The following NHSL2 variants were observed in gnomAD, a reference collection of about 807,000 sequenced individuals.
NHSL2 encodes NHS-like protein 2.
In NHSL2, 27 loss-of-function variants were observed where a neutral mutation model predicts 53.4. That is an observed-to-expected ratio of 0.51 (90% CI 0.37 to 0.70). The LOEUF (loss-of-function observed/expected upper bound fraction) is 0.70, where lower values mean the gene tolerates loss of function less well. Ranked by LOEUF, NHSL2 falls within the 30% of genes least tolerant of loss-of-function variation. The pLI, the probability that NHSL2 is intolerant of heterozygous loss-of-function variation, is 0.00. For synonymous variants in NHSL2, 408 were observed against 404.1 expected (o/e 1.01, Z -0.12); for missense variants, 892 against 980.1 (o/e 0.91, Z 1.20).
chrX:71,920,873 G>A (rs1203518619), intron 1 of NHSL2, among the ~76,000 whole-genome samples: 1 of 109,883 alleles, frequency 9.1e-6, no homozygotes, highest in Non-Finnish European at 1.9e-5. Context: ...GTGCGATCTC[G>A]GCCCACTGCA....
intron 1 of NHSL2, among the ~76,000 whole-genome samples, chrX:72,067,167 C>T (rs958615178): frequency 2.3e-4 from 25 of 110,669 alleles, no homozygotes; most frequent in African/African-American, 6.9e-4. Flanking sequence ...ACAAACAAAC[C>T]GCTTCAAGAA....
At chrX:71,926,385 C>A (rs1384690463) in intron 1 of NHSL2, among the ~76,000 whole-genome samples, 1 of 112,224 alleles carries the variant, frequency 8.9e-6, no homozygotes, top group Middle Eastern at 4.2e-3. Context: ...GGTAGATAAA[C>A]TATGACTTAT....
At chrX:71,948,387 A>C (rs747896252) in intron 1 of NHSL2, among the ~76,000 whole-genome samples, 2 of 111,811 alleles carry the variant, frequency 1.8e-5, no homozygotes, top group South Asian at 7.6e-4. Flanking sequence ...GTGGTTTGGT[A>C]AACTCCAAGT....
intron 1 of NHSL2, among the ~76,000 whole-genome samples, chrX:72,115,393 C>T (rs1403599828): frequency 1.2e-5 from 1 of 86,024 alleles, no homozygotes; most frequent in Non-Finnish European, 2.1e-5. Context: ...CTGCCTCCCA[C>T]CAAGAACAAT....
chrX:72,115,710 G>T (rs990183135), intron 1 of NHSL2, among the ~76,000 whole-genome samples: 2 of 110,815 alleles, frequency 1.8e-5, no homozygotes, highest in Non-Finnish European at 3.8e-5. Context: ...CTGCCATTGT[G>T]GGGGGAAGGG....
intron 1 of NHSL2, among the ~76,000 whole-genome samples, chrX:72,090,495 A>T (rs901455223): frequency 1.8e-5 from 2 of 112,302 alleles, no homozygotes; most frequent in Non-Finnish European, 3.8e-5. Flanking sequence ...AGTATTCCTT[A>T]GTAAGAACGT....
chrX:72,142,845 T>TCAAG (rs2042429650), intron 7 of NHSL2, among the ~76,000 whole-genome samples: 1 of 111,779 alleles, frequency 8.9e-6, no homozygotes, highest in African/African-American at 3.3e-5. Flanking sequence ...GACCAGTTAT[T>TCAAG]GGACAGGGTT....
chrX:71,914,802 G>A (rs2041620420), intron 1 of NHSL2, among the ~76,000 whole-genome samples: 1 of 111,616 alleles, frequency 9.0e-6, no homozygotes, highest in Non-Finnish European at 1.9e-5. Flanking sequence ...ATGAGGTGTT[G>A]TGGACCCTGA....
Position 71,910,932 on chromosome X carries a change from C to A in NHSL2, c.-156C>A. 1 of 331,334 alleles carries A rather than the reference C, an allele frequency of 3.0e-6. No individual in the cohort carries two copies. Among genetic ancestry groups the A allele is most frequent in the Non-Finnish European group, 4.7e-6 (1 of 214,404 alleles). The allele number at this position is 331,334 out of a possible 1,213,427, so 27.3% of individuals were successfully genotyped here. The stretch of plus-strand genomic sequence containing the variant: ...CCCGTCAGCCCGCCTACCCGCCCGT[C>A]GTCTTTGGCGCCCGCACGCTCTCCG... On this transcript the variant is annotated 5_prime_UTR_variant, in exon 1 of 8. Coordinates refer to ENST00000633930, the MANE Select transcript of NHSL2 (RefSeq NM_001013627.3).
At chrX:72,069,592 AGAG>A (rs777523790) in intron 1 of NHSL2, 2,258 of 657,763 alleles carry the variant, frequency 3.4e-3, no homozygotes, top group Non-Finnish European at 4.0e-3. Flanking sequence ...GAGCACAGGC[AGAG>A]GAGGAGGAGG....
At position 72,097,580 on chromosome X, in the gene NHSL2, A is replaced by T. The variant is rs187169471; in HGVS notation, c.281-34499A>T. ...TATTTTCCCACACCACTTGTCCCCT[A>T]CACACATCAACAGGTCTTTCATTTC... On this transcript the variant is annotated intron_variant, in intron 1 of 7. Transcript: ENST00000633930. Among the ~76,000 whole-genome samples, 414 of 112,199 alleles carry T rather than the reference A, an allele frequency of 3.7e-3. 6 individuals carry two copies. Among genetic ancestry groups the T allele is most frequent in the Non-Finnish European group, 6.2e-4 (33 of 53,222 alleles).
intron 1 of NHSL2, among the ~76,000 whole-genome samples, chrX:71,989,929 C>T (rs2042020094): frequency 8.9e-6 from 1 of 112,551 alleles, no homozygotes; most frequent in Non-Finnish European, 1.9e-5. Context: ...CCTGAGGTGA[C>T]ATGGGAATCA....
chrX:72,054,808 C>T (rs1387522447), intron 1 of NHSL2, among the ~76,000 whole-genome samples: 1 of 111,597 alleles, frequency 9.0e-6, no homozygotes, highest in Non-Finnish European at 1.9e-5. Context: ...ATCGACCTCA[C>T]CCCATTTGAG....
At chrX:71,968,934 G>A (rs1463657482) in intron 1 of NHSL2, among the ~76,000 whole-genome samples, 3 of 111,812 alleles carry the variant, frequency 2.7e-5, no homozygotes, top group Non-Finnish European at 5.6e-5. Context: ...TAGCTTTGTG[G>A]TAAGTTTTGA....
chrX:71,992,871 G>GAC, intron 1 of NHSL2, among the ~76,000 whole-genome samples: 1 of 111,954 alleles, frequency 8.9e-6, no homozygotes, highest in East Asian at 2.8e-4. Flanking sequence ...GGGACATGAT[G>GAC]TGGTGTTGGT....
At chrX:71,967,664 T>G (rs4986616) in intron 1 of NHSL2, among the ~76,000 whole-genome samples, 22,993 of 111,045 alleles carry the variant, frequency 0.21, 2,567 homozygotes, top group African/African-American at 0.41. Context: ...ATGATTGCTA[T>G]TCCTTTAAAC....
At chrX:72,048,719 C>T (rs2042319408) in intron 1 of NHSL2, among the ~76,000 whole-genome samples, 1 of 110,062 alleles carries the variant, frequency 9.1e-6, no homozygotes, top group African/African-American at 3.3e-5. Flanking sequence ...TTTCTGGCTT[C>T]AGGCTTCTTG....
intron 7 of NHSL2, among the ~76,000 whole-genome samples, 184 bp from the exon 8 acceptor site, chrX:72,143,069 A>C (rs2042431994): frequency 1.8e-5 from 2 of 111,220 alleles, no homozygotes; most frequent in South Asian, 3.8e-4. Context: ...CATTGAAAGG[A>C]ATATGGGGAC....
intron 1 of NHSL2, among the ~76,000 whole-genome samples, chrX:72,068,661 CGT>C (rs1170119620): frequency 2.1e-5 from 1 of 47,084 alleles, no homozygotes; most frequent in African/African-American, 5.3e-5. Flanking sequence ...TGTGTGTGTG[CGT>C]GTGTGTGTGT....
Sources: gnomAD v4.1 joint callset for allele counts (sites outside exome capture counted in the v4.1 genomes callset) on GRCh38, gnomAD v4.1.1 for gene constraint, MANE v1.5 for transcripts, NCBI Gene and HGNC (gene_info 2026-07-23, HGNC 2026-07-21) for gene names.